Variants in GRIN3A observed in about 807,000 individuals in gnomAD.
The protein encoded by GRIN3A is glutamate ionotropic receptor NMDA type subunit 3A.
Under a neutral mutation model 92.4 loss-of-function variants are expected in GRIN3A, and 47 were observed. The ratio of observed to expected loss-of-function variants is 0.51; its 90% confidence interval spans 0.40 to 0.65. GRIN3A has a LOEUF of 0.65. GRIN3A is among the 30% of genes least tolerant of loss of function. GRIN3A has a pLI of 0.00. For synonymous variants in GRIN3A, 527 were observed against 540.6 expected, an observed-to-expected ratio of 0.97 and a Z score of 0.35; for missense variants, 1,324 against 1,393.1, an observed-to-expected ratio of 0.95 and a Z score of 0.79.
At chr9:101,674,195 C>A (rs1353571717) in intron 2 of GRIN3A, among the ~76,000 whole-genome samples, 1 of 152,084 alleles carries the variant, frequency 6.6e-6, no homozygotes, top group African/African-American at 2.4e-5. Flanking sequence ...ACAGTGAAGA[C>A]AACAAGGAGG....
rs12003435 is a variant in GRIN3A at position 101,641,803 on chromosome 9, A to C, written c.2353-13402T>G. 4.6e-5 allele frequency among the ~76,000 whole-genome samples: 7 copies of C among 151,734 alleles called. No individual in the cohort carries two copies. In the East Asian group the frequency reaches 9.7e-4, roughly 21 times the overall value. ...AATAACAATAAAATTAAAAAAAAAA[A>C]CGAAATGCAATAAAAAAAAAGTTGA... is the stretch of plus-strand genomic sequence containing the variant. On this transcript the variant is annotated intron_variant, in intron 3 of 8. Transcript: ENST00000361820.
intron 1 of GRIN3A, among the ~76,000 whole-genome samples, chr9:101,700,136 GA>G (rs1829735703): frequency 1.3e-5 from 2 of 152,114 alleles, no homozygotes; most frequent in Non-Finnish European, 2.9e-5. Context: ...GGACTGTTCA[GA>G]AGACAGAGAT....
intron 7 of GRIN3A, 30 bp from the exon 8 acceptor site, chr9:101,577,874 AATT>A (rs768274881): frequency 1.3e-5 from 20 of 1,503,516 alleles, no homozygotes. Flanking sequence ...CACAGGTAGA[AATT>A]ATGAGAAACA....
intron 1 of GRIN3A, among the ~76,000 whole-genome samples, chr9:101,715,062 C>A (rs914332850): frequency 2.6e-5 from 4 of 151,622 alleles, no homozygotes; most frequent in African/African-American, 9.7e-5. Flanking sequence ...ATATGCCATT[C>A]ATATACTCAA....
chr9:101,680,990 G>T (rs2118968835), intron 2 of GRIN3A, among the ~76,000 whole-genome samples: 1 of 152,330 alleles, frequency 6.6e-6, no homozygotes, highest in South Asian at 2.1e-4. Flanking sequence ...ACAACAATGT[G>T]TCTGTCAGTG....
At chr9:101,705,781 T>C (rs555689578) in intron 1 of GRIN3A, among the ~76,000 whole-genome samples, 27 of 152,342 alleles carry the variant, frequency 1.8e-4, no homozygotes, top group Admixed American at 1.6e-3. Context: ...ATTGGATGCA[T>C]GTTTATGGTG....
intron 3 of GRIN3A, among the ~76,000 whole-genome samples, chr9:101,639,757 G>T (rs1418723860): frequency 6.6e-6 from 1 of 152,066 alleles, no homozygotes; most frequent in East Asian, 1.9e-4. Context: ...ATTCAAGATG[G>T]GCTGGGTACA....
At chr9:101,613,918 T>C (rs1828404291) in intron 5 of GRIN3A, among the ~76,000 whole-genome samples, 1 of 152,200 alleles carries the variant, frequency 6.6e-6, no homozygotes, top group African/African-American at 2.4e-5. Context: ...TCTTAGTCTG[T>C]GGTTGATGAC....
chr9:101,618,714 AAG>A (rs1321598958), intron 5 of GRIN3A, among the ~76,000 whole-genome samples: 1 of 152,232 alleles, frequency 6.6e-6, no homozygotes, highest in Non-Finnish European at 1.5e-5. Flanking sequence ...TATTTGTTAA[AAG>A]AGATAAAAAT....
Position 101,670,247 on chromosome 9 carries a change from A to G in GRIN3A, c.2165T>C (p.Ile722Thr). ...KVFSFSSALN[I>T]CYALLFGRTV... ...TCTGCCAAACAAGAGGGCATAACAG[A>G]TGTTCAAGGCTGAAGAAAAGGAGAA... Residue 722 changes from isoleucine (I) to threonine (T), a missense_variant, in exon 3 of 9, where the codon ATC becomes ACC. By Grantham distance (89) the Ile-to-Thr change is moderately conservative. Transcript: ENST00000361820. The G allele has an allele frequency of 1.2e-6, 2 of 1,614,088 alleles. No individual in the cohort carries two copies. The highest frequency in any genetic ancestry group is 1.7e-6 in the Non-Finnish European group (2 of 1,179,968).
chr9:101,624,218 AT>A (rs1242424903), intron 4 of GRIN3A, among the ~76,000 whole-genome samples: 7 of 151,422 alleles, frequency 4.6e-5, no homozygotes, highest in African/African-American at 1.7e-4. Context: ...AATTTTTTTT[AT>A]TTTTTTATTT....
At chr9:101,594,529 C>A in intron 6 of GRIN3A, 2 of 1,614,192 alleles carry the variant, frequency 1.2e-6, no homozygotes, top group East Asian at 4.5e-5. Flanking sequence ...TGTCGACCAG[C>A]TGCTGGAGCT....
intron 2 of GRIN3A, among the ~76,000 whole-genome samples, chr9:101,680,775 A>T (rs960163627): frequency 5.9e-5 from 9 of 152,226 alleles, no homozygotes; most frequent in Non-Finnish European, 1.0e-4. Context: ...GCTTGACCTT[A>T]TATTAGTTAA....
At chr9:101,716,001 C>G (rs1829941417) in intron 1 of GRIN3A, among the ~76,000 whole-genome samples, 1 of 152,240 alleles carries the variant, frequency 6.6e-6, no homozygotes, top group East Asian at 1.9e-4. Flanking sequence ...AGCAATCTTT[C>G]TAGAGCAATG....
rs981541129 is a variant in GRIN3A, at chr9:101,630,604, C to T, written c.2353-2203G>A. Reference sequence around the variant, plus strand: ...CATTCAGCTTTTGACAACTGTGTAACATTGCTTCTGATACTATATCATACT... The same window carrying T: ...CATTCAGCTTTTGACAACTGTGTAATATTGCTTCTGATACTATATCATACT... On this transcript the variant is annotated intron_variant, in intron 3 of 8. Coordinates refer to ENST00000361820, the MANE Select transcript of GRIN3A (RefSeq NM_133445.3). Among the ~76,000 whole-genome samples the T allele has an allele frequency of 3.9e-5, 6 of 152,198 alleles. No homozygotes were observed. The East Asian group carries it at 5.8e-4, about 15-fold the overall frequency.
At chr9:101,594,676 G>T (rs1296623488) in intron 6 of GRIN3A, 1 of 1,614,176 alleles carries the variant, frequency 6.2e-7, no homozygotes, top group Non-Finnish European at 8.5e-7. Context: ...CCTTGACGCT[G>T]AACTGGGAGG....
chr9:101,711,148 A>G (rs576979065), intron 1 of GRIN3A, among the ~76,000 whole-genome samples: 1 of 152,280 alleles, frequency 6.6e-6, no homozygotes, highest in East Asian at 1.9e-4. Context: ...TGGCATTGGC[A>G]TTGTCACAGA....
At chr9:101,618,582 C>T (rs1273427952) in intron 5 of GRIN3A, among the ~76,000 whole-genome samples, 2 of 151,984 alleles carry the variant, frequency 1.3e-5, no homozygotes, top group Admixed American at 1.3e-4. Flanking sequence ...AATAGGAACA[C>T]TTTTATATTG....
chr9:101,657,574 A>G (rs10819972), intron 3 of GRIN3A, among the ~76,000 whole-genome samples: 50,840 of 151,722 alleles, frequency 0.34, 9,453 homozygotes, highest in Non-Finnish European at 0.42. Flanking sequence ...TAACAGTGGG[A>G]ATATTAATTG....
Sources: gnomAD v4.1 joint callset for allele counts (sites outside exome capture counted in the v4.1 genomes callset) on GRCh38, gnomAD v4.1.1 for gene constraint, MANE v1.5 for transcripts, NCBI Gene and HGNC (gene_info 2026-07-23, HGNC 2026-07-21) for gene names.